The following CAMK4 variants were observed in gnomAD, a reference collection of about 807,000 sequenced individuals.
The protein encoded by CAMK4 is calcium/calmodulin-dependent protein kinase type IV.
CAMK4 carries 22 observed loss-of-function variants against 44.9 expected under a neutral mutation model. That is an observed-to-expected ratio of 0.49 (90% CI 0.35 to 0.70). The LOEUF (loss-of-function observed/expected upper bound fraction) is 0.70, where lower values mean the gene tolerates loss of function less well. CAMK4 is among the 30% of genes least tolerant of loss of function. The pLI, the probability that CAMK4 is intolerant of heterozygous loss-of-function variation, is 0.01. For synonymous variants in CAMK4, 218 were observed against 215.4 expected (o/e 1.01, Z -0.11); for missense variants, 498 against 586.8 (o/e 0.85, Z 1.56).
chr5:111,417,780 G>C (rs921978692), intron 5 of CAMK4, among the ~76,000 whole-genome samples: 7 of 152,146 alleles, frequency 4.6e-5, no homozygotes, highest in African/African-American at 1.7e-4. Context: ...AGCATGTGTG[G>C]TTGTACACTT....
At chr5:111,416,030 C>A (rs533956931) in intron 5 of CAMK4, among the ~76,000 whole-genome samples, 4 of 152,104 alleles carry the variant, frequency 2.6e-5, no homozygotes, top group Non-Finnish European at 5.9e-5. Context: ...GCCTTGGAAC[C>A]AATCCCTCAG....
intron 8 of CAMK4, among the ~76,000 whole-genome samples, chr5:111,477,152 T>A (rs1483142994): frequency 6.6e-6 from 1 of 152,074 alleles, no homozygotes; most frequent in Admixed American, 6.5e-5. Context: ...CTTCCACAGG[T>A]GGGTCAGGAG....
At chr5:111,424,581 A>G (rs1489225586) in intron 5 of CAMK4, among the ~76,000 whole-genome samples, 3 of 151,220 alleles carry the variant, frequency 2.0e-5, no homozygotes, top group African/African-American at 7.3e-5. Flanking sequence ...AATAGCTGGG[A>G]CTACAGGTGC....
chr5:111,312,544 C>T (rs1748251978), intron 1 of CAMK4, among the ~76,000 whole-genome samples: 1 of 152,030 alleles, frequency 6.6e-6, no homozygotes, highest in Non-Finnish European at 1.5e-5. Flanking sequence ...TTTAGGATTC[C>T]AGCAGACTCA....
At chr5:111,346,988 C>T (rs979234578) in intron 2 of CAMK4, among the ~76,000 whole-genome samples, 3 of 151,990 alleles carry the variant, frequency 2.0e-5, no homozygotes, top group Admixed American at 6.6e-5. Context: ...GGTAAGGGTA[C>T]ATTTCAGGAA....
intron 7 of CAMK4, among the ~76,000 whole-genome samples, chr5:111,472,641 A>T (rs1405839344): frequency 6.6e-6 from 1 of 152,128 alleles, no homozygotes; most frequent in African/African-American, 2.4e-5. Context: ...TTCCTTTTTC[A>T]CAACAGCGGG....
At chr5:111,474,356 G>A (rs1002709662) in intron 8 of CAMK4, among the ~76,000 whole-genome samples, 1 of 152,198 alleles carries the variant, frequency 6.6e-6, no homozygotes, top group Non-Finnish European at 1.5e-5. Context: ...AGCACAGTCA[G>A]CTTCTGCTGA....
intron 8 of CAMK4, among the ~76,000 whole-genome samples, chr5:111,475,926 C>T (rs1755219842): frequency 6.6e-6 from 1 of 152,144 alleles, no homozygotes; most frequent in African/African-American, 2.4e-5. Context: ...TGGAGACAGA[C>T]ACAGTAGAGT....
chr5:111,298,470 C>A (rs1747580147), intron 1 of CAMK4, among the ~76,000 whole-genome samples: 1 of 152,180 alleles, frequency 6.6e-6, no homozygotes, highest in Non-Finnish European at 1.5e-5. Flanking sequence ...TGTTCCCACT[C>A]ACAGGTCCTG....
intron 2 of CAMK4, among the ~76,000 whole-genome samples, chr5:111,374,459 G>A (rs957679416): frequency 2.0e-5 from 3 of 152,092 alleles, no homozygotes; most frequent in African/African-American, 4.8e-5. Context: ...TGCTACATCC[G>A]TGTGAGAAGG....
At chr5:111,235,318 CA>C (rs1248805709) in intron 1 of CAMK4, among the ~76,000 whole-genome samples, 3 of 152,080 alleles carry the variant, frequency 2.0e-5, no homozygotes, top group Non-Finnish European at 4.4e-5. Context: ...TCCGTCAGGG[CA>C]ACCACTGAGA....
At chr5:111,468,417 ACAGC>A (rs1285195405) in intron 7 of CAMK4, among the ~76,000 whole-genome samples, 2 of 152,248 alleles carry the variant, frequency 1.3e-5, no homozygotes, top group East Asian at 3.8e-4. Flanking sequence ...GATATGAAGG[ACAGC>A]CAGAGTGCTT....
intron 1 of CAMK4, among the ~76,000 whole-genome samples, chr5:111,267,364 C>A (rs1750293992): frequency 6.6e-6 from 1 of 152,054 alleles, no homozygotes. Context: ...AAATTCAGAA[C>A]TATGTGTTTT....
chr5:111,252,405 A>G (rs1347962937), intron 1 of CAMK4, among the ~76,000 whole-genome samples: 1 of 152,058 alleles, frequency 6.6e-6, no homozygotes, highest in East Asian at 1.9e-4. Flanking sequence ...CACAAAGAAA[A>G]CTGCATTCTT....
At position 111,238,785 on chromosome 5, in the gene CAMK4, A is replaced by G. The variant is rs563407761; in HGVS notation, c.161+14141A>G. On this transcript the variant is annotated intron_variant, in intron 1 of 10. Coordinates refer to ENST00000282356, the MANE Select transcript of CAMK4 (RefSeq NM_001744.6). ...CTTACTTGTTTTATCTAGGATGGCT[A>G]AAGCTGACTCTCAGAGGCTCTTCTT... 1.0e-4 allele frequency among the ~76,000 whole-genome samples: 14 copies of G among 137,290 alleles called. No individual in the cohort carries two copies. In the South Asian group the frequency reaches 3.6e-3, roughly 36 times the overall value. The allele number at this position is 137,290 out of a possible 152,430, so 90.1% of individuals were successfully genotyped here. A position where few individuals can be genotyped will look rare whatever the true frequency, so the allele number is the denominator to read the frequency against.
chr5:111,394,729 TACA>T lies in CAMK4; in HGVS notation c.407_409del (p.Tyr136_Ser137delinsCys), dbSNP rs1390857723. 2 of 1,612,668 alleles carry T rather than the reference TACA, an allele frequency of 1.2e-6. No individual in the cohort carries two copies. Among genetic ancestry groups the T allele is most frequent in the Non-Finnish European group, 1.7e-6 (2 of 1,179,060 alleles). Reference sequence around the variant, plus strand: ...TTCCAGGATTGTGGAAAAGGGATATTACAGTGAGCGAGATGCTGCAGATGCCGT... The same window carrying T: ...TTCCAGGATTGTGGAAAAGGGATATTGTGAGCGAGATGCTGCAGATGCCGT... On this transcript the variant is annotated inframe_deletion, in exon 5 of 11. Transcript: ENST00000282356.
intron 1 of CAMK4, among the ~76,000 whole-genome samples, chr5:111,238,136 T>C (rs940542786): frequency 6.6e-6 from 1 of 152,162 alleles, no homozygotes; most frequent in African/African-American, 2.4e-5. Context: ...CCAGCTTTAC[T>C]TCTTGTTTTC....
chr5:111,281,951 G>C (rs1030163213), intron 1 of CAMK4, among the ~76,000 whole-genome samples: 1 of 151,740 alleles, frequency 6.6e-6, no homozygotes, highest in Non-Finnish European at 1.5e-5. Context: ...CCAGCTACTC[G>C]GGAGGCTGAG....
At chr5:111,398,615 A>G (rs1752107775) in intron 5 of CAMK4, among the ~76,000 whole-genome samples, 1 of 152,194 alleles carries the variant, frequency 6.6e-6, no homozygotes, top group Non-Finnish European at 1.5e-5. Context: ...CTACTTGTTT[A>G]TCATGTAGGA....
Sources: gnomAD v4.1 joint callset for allele counts (sites outside exome capture counted in the v4.1 genomes callset) on GRCh38, gnomAD v4.1.1 for gene constraint, MANE v1.5 for transcripts, NCBI Gene and HGNC (gene_info 2026-07-23, HGNC 2026-07-21) for gene names.